Variants in RBBP5 observed in about 807,000 individuals in gnomAD.
The protein encoded by RBBP5 is retinoblastoma-binding protein 5.
In RBBP5, 5 loss-of-function variants were observed where a neutral mutation model predicts 72.2. The observed-to-expected ratio is 0.07, with a 90% CI of 0.04 to 0.15. The LOEUF (loss-of-function observed/expected upper bound fraction) is 0.15, where lower values mean the gene tolerates loss of function less well. Among genes scored for constraint, RBBP5 ranks in the 10% least tolerant of loss-of-function variants. The pLI, the probability that RBBP5 is intolerant of heterozygous loss-of-function variation, is 1.00. For missense variants in RBBP5, 322 were observed against 652.2 expected (o/e 0.49, Z 5.51); for synonymous variants, 209 against 237.2 (o/e 0.88, Z 1.09).
chr1:205,113,127 A>G (rs1294303824), intron 3 of RBBP5, among the ~76,000 whole-genome samples: 3 of 152,168 alleles, frequency 2.0e-5, no homozygotes, highest in Non-Finnish European at 4.4e-5. Flanking sequence ...TGTCTCAGCA[A>G]CAACAACAAA....
intron 12 of RBBP5, 63 bp downstream of exon 12, chr1:205,096,619 T>G: frequency 6.9e-7 from 1 of 1,443,872 alleles, no homozygotes; most frequent in Non-Finnish European, 9.5e-7. Context: ...ATTACCAGGT[T>G]GCGCTGGGGA....
rs1172865355 is a variant in RBBP5 at position 205,100,145 on chromosome 1, T to C, written c.752+7A>G. Reference sequence around the variant, plus strand: ...GATCACATATTCTTCTAGGTTGTGATACATACCTATTCACCAAATCCTGCA... The same window carrying C: ...GATCACATATTCTTCTAGGTTGTGACACATACCTATTCACCAAATCCTGCA... On this transcript the variant is annotated splice_region_variant and intron_variant, in intron 7 of 13. Coordinates refer to ENST00000264515, the MANE Select transcript of RBBP5 (RefSeq NM_005057.4). The C allele has an allele frequency of 2.5e-6, 4 of 1,614,132 alleles. No individual in the cohort carries two copies. The highest frequency in any genetic ancestry group is 3.4e-6 in the Non-Finnish European group (4 of 1,180,048).
intron 3 of RBBP5, among the ~76,000 whole-genome samples, chr1:205,108,095 T>A (rs1200568042): frequency 6.6e-6 from 1 of 151,732 alleles, no homozygotes; most frequent in East Asian, 1.9e-4. Flanking sequence ...ATACAAAAAT[T>A]AGCTGGGTGT....
intron 4 of RBBP5, 118 bp from the exon 5 acceptor site, chr1:205,104,137 G>C: frequency 1.9e-6 from 2 of 1,067,872 alleles, no homozygotes. Context: ...AAGCAAATTT[G>C]AAACAGTGAA....
intron 3 of RBBP5, among the ~76,000 whole-genome samples, chr1:205,105,910 G>C (rs1409312441): frequency 6.6e-6 from 1 of 152,164 alleles, no homozygotes; most frequent in Non-Finnish European, 1.5e-5. Flanking sequence ...GAAAAGAAAT[G>C]CAAATCCCCC....
At position 205,088,690 on chromosome 1, in the gene RBBP5, T is replaced by C; in HGVS notation, c.*97A>G. 7.5e-7 allele frequency: 1 copy of C among 1,340,454 alleles called. No homozygotes were observed. The highest frequency in any genetic ancestry group is 1.0e-6 in the Non-Finnish European group (1 of 961,432). 83.0% of individuals were successfully genotyped at this position (1,340,454 alleles called of 1,614,324 possible). ...ACCTCCTGGGTGGGAGGCACAGGCC[T>C]TTGTTTTAAATTAAAGTCAATTTTC... On this transcript the variant is annotated 3_prime_UTR_variant, in exon 14 of 14. Coordinates refer to ENST00000264515, the MANE Select transcript of RBBP5 (RefSeq NM_005057.4).
In RBBP5 at chr1:205,105,561, T is replaced by C. The variant is rs573841055; in HGVS notation, c.219-393A>G. ...AAAAAAATGATAAGTATCTGTTATT[T>C]AAAATAATTTTAAAAGAACTGAGAA... On this transcript the variant is annotated intron_variant, in intron 3 of 13. Coordinates refer to ENST00000264515, the MANE Select transcript of RBBP5 (RefSeq NM_005057.4). Among the ~76,000 whole-genome samples the C allele has an allele frequency of 8.5e-5, 13 of 152,336 alleles. No homozygotes were observed. The Middle Eastern group carries it at 0.01, about 120-fold the overall frequency.
At position 205,110,316 on chromosome 1, in the gene RBBP5, A is replaced by G. The variant is rs369401395; in HGVS notation, c.218+4473T>C. 1.8e-4 allele frequency among the ~76,000 whole-genome samples: 27 copies of G among 152,160 alleles called. 1 individual carries two copies. The highest frequency in any genetic ancestry group is 6.5e-4 in the African/African-American group (27 of 41,542). Reference sequence around the variant, plus strand: ...ATTACAGGCATGAGCCACCGTGCCCAGCCAGTACCTACCAGTTCTGCTTCT... The same window carrying G: ...ATTACAGGCATGAGCCACCGTGCCCGGCCAGTACCTACCAGTTCTGCTTCT... On this transcript the variant is annotated intron_variant, in intron 3 of 13. Transcript: ENST00000264515.
intron 5 of RBBP5, among the ~76,000 whole-genome samples, chr1:205,102,720 G>A (rs1394485979): frequency 1.3e-5 from 2 of 152,158 alleles, no homozygotes; most frequent in East Asian, 3.8e-4. Flanking sequence ...TAGGCCAGGC[G>A]CGGTGGTTCA....
chr1:205,104,569 G>A (rs751391824), intron 4 of RBBP5, among the ~76,000 whole-genome samples: 13 of 151,750 alleles, frequency 8.6e-5, no homozygotes, highest in Non-Finnish European at 1.5e-4. Context: ...AGGGCCAGGC[G>A]CAGTGGCTCA....
At chr1:205,094,304 T>C (rs1274287883) in intron 13 of RBBP5, among the ~76,000 whole-genome samples, 1 of 152,214 alleles carries the variant, frequency 6.6e-6, no homozygotes, top group East Asian at 1.9e-4. Context: ...CCCCATCTTC[T>C]TCCTTAACAC....
At chr1:205,094,771 G>T (rs538589790) in intron 13 of RBBP5, 102 bp downstream of exon 13, 2 of 1,270,726 alleles carry the variant, frequency 1.6e-6, no homozygotes, top group South Asian at 3.1e-5. Context: ...TGGGAAAAAC[G>T]AGGGAAGAGA....
chr1:205,100,147 C>T lies in RBBP5; in HGVS notation c.752+5G>A. 6.2e-7 allele frequency: 1 copy of T among 1,614,206 alleles called. No individual in the cohort carries two copies. The highest frequency in any genetic ancestry group is 8.5e-7 in the Non-Finnish European group (1 of 1,180,030). The stretch of plus-strand genomic sequence containing the variant: ...TCACATATTCTTCTAGGTTGTGATA[C>T]ATACCTATTCACCAAATCCTGCAAT... On this transcript the variant is annotated splice_donor_5th_base_variant and intron_variant, in intron 7 of 13. Transcript: ENST00000264515.
intron 12 of RBBP5, among the ~76,000 whole-genome samples, chr1:205,096,465 A>G (rs1027259043): frequency 2.0e-5 from 3 of 152,230 alleles, no homozygotes; most frequent in African/African-American, 7.2e-5. Context: ...ATTAAAGTGC[A>G]GCATCTTAGG....
intron 13 of RBBP5, among the ~76,000 whole-genome samples, chr1:205,089,591 A>C (rs536996194): frequency 1.4e-3 from 215 of 152,354 alleles, no homozygotes; most frequent in African/African-American, 5.0e-3. Context: ...ACTATGAAAG[A>C]AAAGTACCCA....
chr1:205,113,401 T>G (rs1481660632), intron 3 of RBBP5, among the ~76,000 whole-genome samples: 1 of 151,612 alleles, frequency 6.6e-6, no homozygotes, highest in African/African-American at 2.4e-5. Flanking sequence ...CCACTTCAGC[T>G]TCCTAAGTAG....
At chr1:205,103,218 C>T (rs1338999669) in intron 5 of RBBP5, among the ~76,000 whole-genome samples, 3 of 92,866 alleles carry the variant, frequency 3.2e-5, no homozygotes, top group African/African-American at 1.2e-4. Flanking sequence ...AGTGAGACTC[C>T]ATCTCAAAAA....
At chr1:205,111,238 T>G (rs1426068625) in intron 3 of RBBP5, among the ~76,000 whole-genome samples, 1 of 152,210 alleles carries the variant, frequency 6.6e-6, no homozygotes. Context: ...CCAAATGCCC[T>G]TTGGGCATCT....
chr1:205,104,652 C>T (rs919287509), intron 4 of RBBP5, among the ~76,000 whole-genome samples: 1 of 152,048 alleles, frequency 6.6e-6, no homozygotes, highest in Non-Finnish European at 1.5e-5. Flanking sequence ...ACCAACCTGG[C>T]CAACATGGGG....
Sources: gnomAD v4.1 joint callset for allele counts (sites outside exome capture counted in the v4.1 genomes callset) on GRCh38, gnomAD v4.1.1 for gene constraint, MANE v1.5 for transcripts, NCBI Gene and HGNC (gene_info 2026-07-23, HGNC 2026-07-21) for gene names.